Variants in AKAP6 observed in about 807,000 individuals in gnomAD.
The protein encoded by AKAP6 is A-kinase anchor protein 6.
In AKAP6, 58 loss-of-function variants were observed where a neutral mutation model predicts 188.5. The ratio of observed to expected loss-of-function variants is 0.31; its 90% confidence interval spans 0.25 to 0.38. AKAP6 has a LOEUF of 0.38. Ranked by LOEUF, AKAP6 falls within the 10% of genes least tolerant of loss-of-function variation. The pLI, the probability that AKAP6 is intolerant of heterozygous loss-of-function variation, is 1.00. For synonymous variants in AKAP6, 989 were observed against 998.6 expected (o/e 0.99, Z 0.18); for missense variants, 2,710 against 2,740.0 (o/e 0.99, Z 0.24).
intron 4 of AKAP6, among the ~76,000 whole-genome samples, chr14:32,566,798 A>G (rs1412966272): frequency 6.6e-6 from 1 of 152,166 alleles, no homozygotes; most frequent in Non-Finnish European, 1.5e-5. Flanking sequence ...ACCTCTAGAA[A>G]TCTTTTCTAA....
intron 1 of AKAP6, among the ~76,000 whole-genome samples, chr14:32,369,555 T>C (rs531906850): frequency 6.0e-4 from 91 of 152,370 alleles, no homozygotes; most frequent in Non-Finnish European, 9.0e-4. Flanking sequence ...CTTTTGATCC[T>C]GGGTCACTGT....
chr14:32,701,952 G>A (rs776058931), intron 9 of AKAP6, among the ~76,000 whole-genome samples: 11 of 152,002 alleles, frequency 7.2e-5, no homozygotes, highest in South Asian at 2.1e-4. Flanking sequence ...ATAGAAGGAC[G>A]AGTCAAAAAA....
chr14:32,576,181 A>G (rs1344569086), intron 4 of AKAP6, among the ~76,000 whole-genome samples: 1 of 152,124 alleles, frequency 6.6e-6, no homozygotes, highest in Non-Finnish European at 1.5e-5. Flanking sequence ...AGATTATTTG[A>G]AAGGCACATC....
At chr14:32,794,765 C>T (rs941522225) in intron 12 of AKAP6, among the ~76,000 whole-genome samples, 1 of 152,068 alleles carries the variant, frequency 6.6e-6, no homozygotes, top group Non-Finnish European at 1.5e-5. Context: ...AACCGCAAAG[C>T]TAGCAGAAGA....
At chr14:32,417,642 T>A (rs1051671131) in intron 1 of AKAP6, among the ~76,000 whole-genome samples, 2 of 152,214 alleles carry the variant, frequency 1.3e-5, no homozygotes, top group African/African-American at 4.8e-5. Context: ...TCTGCTTAAC[T>A]GTAGTGTAAA....
intron 8 of AKAP6, chr14:32,693,708 G>A (rs12432071): frequency 0.27 from 41,189 of 151,962 alleles, 6,068 homozygotes; most frequent in South Asian, 0.38. Flanking sequence ...ATCCTCTGAC[G>A]TGGAAAGGGT....
chr14:32,782,663 A>T (rs1230375338), intron 12 of AKAP6, among the ~76,000 whole-genome samples: 2 of 152,194 alleles, frequency 1.3e-5, no homozygotes, highest in East Asian at 3.8e-4. Context: ...TATTAATAGT[A>T]CATGAAATGC....
At chr14:32,731,128 T>C (rs1454217620) in intron 9 of AKAP6, among the ~76,000 whole-genome samples, 1 of 152,184 alleles carries the variant, frequency 6.6e-6, no homozygotes, top group Non-Finnish European at 1.5e-5. Flanking sequence ...AAACATTTTG[T>C]TCTGTGATCC....
At chr14:32,749,293 C>T (rs1340116799) in intron 11 of AKAP6, among the ~76,000 whole-genome samples, 6 of 152,082 alleles carry the variant, frequency 3.9e-5, no homozygotes, top group Admixed American at 3.9e-4. Context: ...GTAAATTTTT[C>T]AATTATAGAT....
intron 7 of AKAP6, among the ~76,000 whole-genome samples, chr14:32,624,032 T>C (rs1886916457): frequency 6.6e-6 from 1 of 152,106 alleles, no homozygotes; most frequent in South Asian, 2.1e-4. Flanking sequence ...GTAAAAGTGG[T>C]GCTGAAAATG....
intron 1 of AKAP6, among the ~76,000 whole-genome samples, chr14:32,348,253 G>A (rs1218213951): frequency 6.6e-6 from 1 of 152,166 alleles, no homozygotes; most frequent in Non-Finnish European, 1.5e-5. Flanking sequence ...AAGAATGTAG[G>A]TTTTAGGATA....
chr14:32,475,790 G>T (rs531962777), intron 2 of AKAP6, among the ~76,000 whole-genome samples: 1 of 149,656 alleles, frequency 6.7e-6, no homozygotes, highest in East Asian at 2.0e-4. Flanking sequence ...CCATTCTCCT[G>T]CCACAGCCTC....
chr14:32,546,486 A>C lies in AKAP6; in HGVS notation c.1833A>C (p.Pro611=), dbSNP rs780548398. 4 of 1,614,142 alleles carry C rather than the reference A, an allele frequency of 2.5e-6. No homozygotes were observed. Among genetic ancestry groups the C allele is most frequent in the Non-Finnish European group, 3.4e-6 (4 of 1,180,016 alleles). Reference sequence around the variant, plus strand: ...GCAAAAAAGGTCAAGCCTCCTCTCCAAGTCACGTCACTAGGAATGGTGAGG... The same window carrying C: ...GCAAAAAAGGTCAAGCCTCCTCTCCCAGTCACGTCACTAGGAATGGTGAGG... ...HKSKKGQASS[P]SHVTRNGEVV... Residue 611 remains proline (P), a synonymous_variant, in exon 4 of 14, where the codon CCA becomes CCC. Transcript: ENST00000280979.
At chr14:32,755,564 C>G (rs569659798) in intron 11 of AKAP6, among the ~76,000 whole-genome samples, 7 of 151,958 alleles carry the variant, frequency 4.6e-5, no homozygotes, top group Admixed American at 6.6e-5. Context: ...ATCTCACTCT[C>G]TCTCCCAGGC....
intron 4 of AKAP6, among the ~76,000 whole-genome samples, chr14:32,562,348 CT>C (rs1441277717): frequency 6.6e-6 from 1 of 151,800 alleles, no homozygotes; most frequent in African/African-American, 2.4e-5. Flanking sequence ...AGATCTAATA[CT>C]CTTTTTTCTT....
intron 11 of AKAP6, among the ~76,000 whole-genome samples, chr14:32,753,369 G>A (rs1444408762): frequency 6.6e-6 from 1 of 151,978 alleles, no homozygotes; most frequent in Admixed American, 6.6e-5. Flanking sequence ...TGCCTATTTG[G>A]ATTATTTGTT....
intron 7 of AKAP6, among the ~76,000 whole-genome samples, chr14:32,677,456 C>G (rs559209978): frequency 5.3e-5 from 8 of 152,262 alleles, no homozygotes; most frequent in Admixed American, 2.0e-4. Context: ...GTGAAGCACA[C>G]AAAAGAAGAG....
At chr14:32,617,659 T>C (rs1886636979) in intron 7 of AKAP6, among the ~76,000 whole-genome samples, 1 of 152,224 alleles carries the variant, frequency 6.6e-6, no homozygotes, top group African/African-American at 2.4e-5. Flanking sequence ...AGGGTCTTGC[T>C]CTGTCACACA....
At chr14:32,463,341 T>C (rs898062045) in intron 2 of AKAP6, among the ~76,000 whole-genome samples, 1 of 152,160 alleles carries the variant, frequency 6.6e-6, no homozygotes, top group African/African-American at 2.4e-5. Context: ...ATCAACCGCA[T>C]AACTGGAAGT....
Sources: allele counts gnomAD v4.1 joint callset (sites outside exome capture counted in the v4.1 genomes callset), GRCh38; gene constraint gnomAD v4.1.1; transcripts MANE v1.5; gene names NCBI Gene and HGNC (gene_info 2026-07-23, HGNC 2026-07-21).